The following EFCC1 variants were observed in gnomAD, a reference collection of about 807,000 sequenced individuals.
EFCC1 encodes the protein EF-hand and coiled-coil domain-containing protein 1.
In EFCC1, 50 loss-of-function variants were observed where a neutral mutation model predicts 52.1. The ratio of observed to expected loss-of-function variants is 0.96; its 90% CI spans 0.76 to 1.21. The LOEUF (loss-of-function observed/expected upper bound fraction) is 1.21. Among genes scored for constraint, EFCC1 ranks in the 50% most tolerant of loss-of-function variants. The pLI is 0.00. For synonymous variants in EFCC1, 399 were observed against 396.5 expected (o/e 1.01, Z -0.08); for missense variants, 837 against 867.3 (o/e 0.97, Z 0.44).
Position 129,001,591 on chromosome 3 carries a change from G to A in EFCC1, c.-38G>A, listed in dbSNP as rs1248692721. On this transcript the variant is annotated 5_prime_UTR_variant, in exon 1 of 8. Transcript: ENST00000683648. ...CTGGAAGTGGCGGGGCGAAGGGACC[G>A]GAGGAGGGACCGGAGGAGCGAGGCG... The A allele has an allele frequency of 1.5e-6, 2 of 1,352,254 alleles. No homozygotes were observed. The highest frequency in any genetic ancestry group is 1.9e-6 in the Non-Finnish European group (2 of 1,058,978). The allele number at this position is 1,352,254 out of a possible 1,614,324, so 83.8% of individuals were successfully genotyped here.
At chr3:129,026,875 T>C (rs1296082877) in intron 2 of EFCC1, among the ~76,000 whole-genome samples, 2 of 152,192 alleles carry the variant, frequency 1.3e-5, no homozygotes, top group Non-Finnish European at 2.9e-5. Flanking sequence ...ATTCTCGGCT[T>C]GCACTGGGGG....
rs996456908 is a variant in EFCC1 at position 129,032,007 on chromosome 3, G to A, written c.1139-812G>A. Among the ~76,000 whole-genome samples the A allele has an allele frequency of 2.6e-5, 4 of 152,130 alleles. 1 individual carries two copies. The highest frequency in any genetic ancestry group is 7.2e-5 in the African/African-American group (3 of 41,416). On this transcript the variant is annotated intron_variant, in intron 3 of 7. Transcript: ENST00000683648. ...GAGGGAGTGGGACTCCCCTGGGGAC[G>A]GGGATGGGGACTGAGGTTGGGCAGC...
chr3:129,017,632 C>T (rs1415883712), intron 2 of EFCC1, among the ~76,000 whole-genome samples: 1 of 152,218 alleles, frequency 6.6e-6, no homozygotes, highest in African/African-American at 2.4e-5. Context: ...CAGCCAGCAA[C>T]GACCTGCCCC....
At chr3:129,021,335 A>G (rs1045117495) in intron 2 of EFCC1, among the ~76,000 whole-genome samples, 1 of 152,216 alleles carries the variant, frequency 6.6e-6, no homozygotes, top group Non-Finnish European at 1.5e-5. Context: ...AGTTGAGGGA[A>G]GGTCACACTT....
chr3:129,003,850 G>A lies in EFCC1; in HGVS notation c.753G>A (p.Glu251=), dbSNP rs557333033. 8.2e-6 allele frequency: 12 copies of A among 1,454,718 alleles called. No individual in the cohort carries two copies. In the South Asian group the frequency reaches 1.6e-4, roughly 19 times the overall value. 90.1% of individuals were successfully genotyped at this position (1,454,718 alleles called of 1,614,324 possible). ...STHEMGHGGP[E]AAVRELRQAQ... is the part of the protein sequence containing the mutation. ...ACGAGATGGGGCACGGCGGGCCGGAGGCTGCGGTGCGGGAGCTGCGTCAGG... is the reference window on the plus strand; with the variant it reads ...ACGAGATGGGGCACGGCGGGCCGGAAGCTGCGGTGCGGGAGCTGCGTCAGG... The change falls in exon 2 of 8, where the codon GAG becomes GAA. Residue 251 remains glutamate, a synonymous_variant. Transcript: ENST00000683648.
At chr3:129,031,120 C>T (rs1559974415) in intron 3 of EFCC1, among the ~76,000 whole-genome samples, 1 of 152,312 alleles carries the variant, frequency 6.6e-6, no homozygotes, top group East Asian at 1.9e-4. Flanking sequence ...GCCAGGTGGC[C>T]AGGGTCACCT....
At chr3:129,025,508 TTGGGGCAGCA>T (rs1408135374) in intron 2 of EFCC1, among the ~76,000 whole-genome samples, 1 of 152,118 alleles carries the variant, frequency 6.6e-6, no homozygotes, top group Non-Finnish European at 1.5e-5. Context: ...CAAGACATGA[TTGGGGCAGCA>T]TGTGTAGTAG....
intron 2 of EFCC1, among the ~76,000 whole-genome samples, chr3:129,023,003 G>A (rs1945929465): frequency 6.6e-6 from 1 of 152,206 alleles, no homozygotes. Flanking sequence ...ACAGCCTCGG[G>A]TTCAGAGGCA....
chr3:129,004,041 G>A lies in EFCC1; in HGVS notation c.944G>A (p.Trp315Ter). The A allele has an allele frequency of 6.6e-7, 1 of 1,511,504 alleles. No individual in the cohort carries two copies. 93.6% of individuals were successfully genotyped at this position (1,511,504 alleles called of 1,614,324 possible). A position where few individuals can be genotyped will look rare whatever the true frequency, so the allele number is the denominator to read the frequency against. The change falls in exon 2 of 8, where the codon TGG (tryptophan) becomes TAG (stop). Residue 315 changes from tryptophan to a stop codon, truncating the protein, a stop_gained. Transcript: ENST00000683648. LOFTEE classifies it high-confidence loss of function. ...LAQQVPGLQR[W>*]VRRLEAELQR... ...CAACAGGTGCCCGGCTTGCAGCGCT[G>A]GGTGCGGCGGCTGGAGGCGGAGCTG... is the stretch of plus-strand genomic sequence containing the variant.
intron 1 of EFCC1, chr3:129,003,239 T>G (rs12695512): frequency 0.6 from 587,589 of 984,862 alleles, 178,658 homozygotes; most frequent in African/African-American, 0.92. Context: ...AGTAACGTAC[T>G]GGGAGCCATG....
chr3:129,021,308 G>A (rs1270757987), intron 2 of EFCC1, among the ~76,000 whole-genome samples: 3 of 152,320 alleles, frequency 2.0e-5, no homozygotes, highest in South Asian at 4.1e-4. Flanking sequence ...GGTTTTCCAA[G>A]AATCCGATGC....
At chr3:129,033,485 G>C (rs150554361) in intron 4 of EFCC1, among the ~76,000 whole-genome samples, 3,303 of 152,322 alleles carry the variant, frequency 0.022, 94 homozygotes, top group African/African-American at 0.063. Flanking sequence ...CAGAGGCTGT[G>C]TGAGGATTTG....
rs979811606 is a variant in EFCC1, at chr3:129,002,041, C to G, written c.413C>G (p.Pro138Arg). 1.9e-6 allele frequency: 3 copies of G among 1,543,328 alleles called. No individual in the cohort carries two copies. In the African/African-American group the frequency reaches 4.2e-5, roughly 21 times the overall value. ...CGCCTGGCGCTGCGCGCCGAGCCGC[C>G]GGAGCTCACCTTCCGCCAGTTCCAC... ...EARLALRAEP[P>R]ELTFRQFHAR... is the part of the protein sequence containing the mutation. Residue 138 changes from proline (P) to arginine (R), a missense_variant, in exon 1 of 8, where the codon CCG becomes CGG. By Grantham distance (103) the Pro-to-Arg change is moderately radical (BLOSUM62 -2). Transcript: ENST00000683648.
intron 5 of EFCC1, among the ~76,000 whole-genome samples, chr3:129,035,452 G>A (rs987185851): frequency 3.9e-5 from 6 of 152,236 alleles, no homozygotes; most frequent in Non-Finnish European, 8.8e-5. Flanking sequence ...CTGGGGGCAG[G>A]AGGGAGCAGA....
chr3:129,037,208 C>T (rs1946368841), intron 6 of EFCC1, 91 bp downstream of exon 6: 1 of 1,442,988 alleles, frequency 6.9e-7, no homozygotes, highest in Non-Finnish European at 9.1e-7. Context: ...GCTCTAGGCT[C>T]TCCTTACAGT....
Position 129,040,515 on chromosome 3 carries a change from G to A in EFCC1, c.*667G>A, listed in dbSNP as rs1210344019. 6.6e-6 allele frequency: 1 copy of A among 152,354 alleles called. No individual in the cohort carries two copies. Among genetic ancestry groups the A allele is most frequent in the African/African-American group, 2.4e-5 (1 of 41,448 alleles). The allele number at this position is 152,354 out of a possible 1,614,324, so 9.4% of individuals were successfully genotyped here. A position where few individuals can be genotyped will look rare whatever the true frequency, so the allele number is the denominator to read the frequency against. Reference sequence around the variant, plus strand: ...AGCAAAGGTGTGGAACCAGAGGGGGGCCCCAGGAATGCAGTGCTTGGAGCC... The same window carrying A: ...AGCAAAGGTGTGGAACCAGAGGGGGACCCCAGGAATGCAGTGCTTGGAGCC... On this transcript the variant is annotated 3_prime_UTR_variant, in exon 8 of 8. Coordinates refer to ENST00000683648, the MANE Select transcript of EFCC1 (RefSeq NM_001377500.1). This position sits in a 1 kb window ranked among gnomAD's most constrained non-coding sequence, Gnocchi z 4.4.
chr3:129,030,475 C>A, intron 2 of EFCC1: 1 of 375,604 alleles, frequency 2.7e-6, no homozygotes, highest in Non-Finnish European at 4.7e-6. Flanking sequence ...AAATCCGTTG[C>A]AGAAGATTTT....
chr3:129,009,061 A>T (rs183182850), intron 2 of EFCC1, among the ~76,000 whole-genome samples: 12 of 152,232 alleles, frequency 7.9e-5, no homozygotes, highest in Admixed American at 7.2e-4. Flanking sequence ...CTTCATGTGG[A>T]AAATTTGACA....
rs1387207197 is a variant in EFCC1 at position 129,010,678 on chromosome 3, G to A, written c.980+6601G>A. On this transcript the variant is annotated intron_variant, in intron 2 of 7. Transcript: ENST00000683648. This position sits in a 1 kb window ranked among gnomAD's most constrained non-coding sequence, Gnocchi z 4.3. ...AAACTCAGCGGGTCCAGGGTGGGAGGGAGGCAGATGAGTGGGGGCGAGCAG... is the reference window on the plus strand; with the variant it reads ...AAACTCAGCGGGTCCAGGGTGGGAGAGAGGCAGATGAGTGGGGGCGAGCAG... 6.6e-6 allele frequency among the ~76,000 whole-genome samples: 1 copy of A among 152,198 alleles called. No individual in the cohort carries two copies. Among genetic ancestry groups the A allele is most frequent in the Admixed American group, 6.5e-5 (1 of 15,282 alleles).
Sources: allele counts gnomAD v4.1 joint callset (sites outside exome capture counted in the v4.1 genomes callset), GRCh38; gene constraint gnomAD v4.1.1; non-coding constraint Gnocchi (gnomAD v3.1); transcripts MANE v1.5; gene names NCBI Gene and HGNC (gene_info 2026-07-23, HGNC 2026-07-21).